The following OTOG variants were observed in gnomAD, a reference collection of about 807,000 sequenced individuals.
The protein encoded by OTOG is otogelin.
In OTOG, 296 loss-of-function variants were observed where a neutral mutation model predicts 313.8. The ratio of observed to expected loss-of-function variants is 0.94; its 90% CI spans 0.86 to 1.04. The LOEUF (loss-of-function observed/expected upper bound fraction) is 1.04, where lower values mean the gene tolerates loss of function less well. Ranked by LOEUF, OTOG falls within the 50% of genes least tolerant of loss-of-function variation. The pLI is 0.00. For missense variants in OTOG, 3,948 were observed against 3,840.1 expected, an observed-to-expected ratio of 1.03 and a Z score of -0.74; for synonymous variants, 1,533 against 1,554.9, an observed-to-expected ratio of 0.99 and a Z score of 0.33.
chr11:17,553,157 C>T lies in OTOG; in HGVS notation c.331C>T (p.Pro111Ser), dbSNP rs577782313. The T allele has an allele frequency of 7.7e-6, 12 of 1,550,556 alleles. No individual in the cohort carries two copies. In the Admixed American group the frequency reaches 2.2e-4, roughly 28 times the overall value. ...SCFNGGECVHPAFCDCRRFNA... is the reference protein window; with the variant it reads ...SCFNGGECVHSAFCDCRRFNA... The stretch of plus-strand genomic sequence containing the variant: ...CTTCAATGGAGGCGAGTGTGTGCAC[C>T]CAGCCTTCTGTGACTGCAGACGCTT... Residue 111 changes from proline (P) to serine (S), a missense_variant, in exon 5 of 56, where the codon CCA becomes TCA. Coordinates refer to ENST00000399397, the MANE Select transcript of OTOG (RefSeq NM_001292063.2).
chr11:17,624,612 C>G (rs991954401), intron 39 of OTOG, among the ~76,000 whole-genome samples: 12 of 152,082 alleles, frequency 7.9e-5, no homozygotes, highest in African/African-American at 2.9e-4. Context: ...GTTCTTTTTG[C>G]TTAGGATTGC....
At chr11:17,577,262 G>A (rs1184157222) in intron 22 of OTOG, among the ~76,000 whole-genome samples, 1 of 152,230 alleles carries the variant, frequency 6.6e-6, no homozygotes, top group Non-Finnish European at 1.5e-5. Flanking sequence ...TGTATCTACT[G>A]AGGCGGACTC....
intron 25 of OTOG, among the ~76,000 whole-genome samples, 152 bp from the exon 26 acceptor site, chr11:17,593,041 G>A (rs528293859): frequency 1.3e-5 from 2 of 152,294 alleles, no homozygotes; most frequent in South Asian, 4.2e-4. Flanking sequence ...CAGCTTCAGA[G>A]AACAGAAGTC....
In OTOG at chr11:17,606,142, G is replaced by T; in HGVS notation, c.4156+7G>T. On this transcript the variant is annotated splice_region_variant and intron_variant, in intron 33 of 55. Transcript: ENST00000399397. Reference sequence around the variant, plus strand: ...ACACTCTTCCGCCTTCTGGGTAGGCGACCCCCTGCCATTGCCCTCGGCCCT... The same window carrying T: ...ACACTCTTCCGCCTTCTGGGTAGGCTACCCCCTGCCATTGCCCTCGGCCCT... 1 of 1,522,184 alleles carries T rather than the reference G, an allele frequency of 6.6e-7. No individual in the cohort carries two copies. The highest frequency in any genetic ancestry group is 8.8e-7 in the Non-Finnish European group (1 of 1,130,696). The allele number at this position is 1,522,184 out of a possible 1,614,324, so 94.3% of individuals were successfully genotyped here.
At chr11:17,643,539 G>A in intron 54 of OTOG, 33 bp downstream of exon 54, 1 of 1,372,900 alleles carries the variant, frequency 7.3e-7, no homozygotes, top group South Asian at 1.7e-5. Context: ...CAGGGGTGGG[G>A]GGCTCTGATG....
intron 23 of OTOG, among the ~76,000 whole-genome samples, chr11:17,580,164 C>T (rs142950651): frequency 3.3e-5 from 5 of 152,212 alleles, no homozygotes; most frequent in African/African-American, 7.2e-5. Context: ...CTCCAAAGAA[C>T]GGTCTGTGGC....
intron 38 of OTOG, among the ~76,000 whole-genome samples, chr11:17,613,195 TTTTCTTTCTTTCTTTCTTTCTTTCTTTC>T (rs1191747829): frequency 4.6e-5 from 3 of 65,328 alleles, no homozygotes; most frequent in Non-Finnish European, 8.8e-5. Context: ...TCTTTCTTTC[TTTTCTTTCTTTCTTTCTTTCTTTCTTTC>T]TTTCTTTCTT....
intron 23 of OTOG, among the ~76,000 whole-genome samples, chr11:17,583,262 G>A (rs1439406929): frequency 6.6e-6 from 1 of 152,100 alleles, no homozygotes; most frequent in Non-Finnish European, 1.5e-5. Context: ...AGCCTCCTGA[G>A]TAGCTAAGAC....
intron 39 of OTOG, among the ~76,000 whole-genome samples, chr11:17,619,876 G>A (rs891828159): frequency 6.6e-6 from 1 of 152,014 alleles, no homozygotes; most frequent in Admixed American, 6.6e-5. Flanking sequence ...ATTTGCATCT[G>A]GTATCATTTT....
chr11:17,586,573 C>A lies in OTOG; in HGVS notation c.2859C>A (p.Cys953Ter). ...YFPGDQVMSP[C>*]HTCVCQRGSF... ...CTGGGGACCAGGTGATGTCTCCTTG[C>A]CATACCTGGTAAGTGAGGGTCCCAA... The change falls in exon 24 of 56, where the codon TGC becomes TGA. Residue 953 changes from cysteine (C) to a stop codon, truncating the protein, a stop_gained. Coordinates refer to ENST00000399397, the MANE Select transcript of OTOG (RefSeq NM_001292063.2). LOFTEE classifies it high-confidence loss of function. 1.4e-6 allele frequency: 2 copies of A among 1,386,760 alleles called. No individual in the cohort carries two copies. The highest frequency in any genetic ancestry group is 1.9e-6 in the Non-Finnish European group (2 of 1,063,230). 85.9% of individuals were successfully genotyped at this position (1,386,760 alleles called of 1,614,324 possible). A position where few individuals can be genotyped will look rare whatever the true frequency, so the allele number is the denominator to read the frequency against.
At chr11:17,603,203 G>T (rs552410434) in intron 32 of OTOG, among the ~76,000 whole-genome samples, 11 of 152,238 alleles carry the variant, frequency 7.2e-5, no homozygotes, top group African/African-American at 2.6e-4. Context: ...GCAGAATCAC[G>T]TAGTTGCACA....
In OTOG at chr11:17,610,071, G is replaced by T. The variant is rs1250312852; in HGVS notation, c.4771G>T (p.Val1591Leu). 3 of 1,550,426 alleles carry T rather than the reference G, an allele frequency of 1.9e-6. No homozygotes were observed. In the African/African-American group the frequency reaches 4.1e-5, roughly 21 times the overall value. Reference sequence around the variant, plus strand: ...GTCAGGTGCCATGGAGACAACAAGGGTGACTGTGATCTTTGCAGGAAGCCC... The same window carrying T: ...GTCAGGTGCCATGGAGACAACAAGGTTGACTGTGATCTTTGCAGGAAGCCC... ...MVSGAMETTR[V>L]TVIFAGSPNI... is the part of the protein sequence containing the mutation. Residue 1591 changes from valine (V) to leucine (L), a missense_variant, in exon 36 of 56, where the codon GTG (valine) becomes TTG (leucine). Physicochemically the swap from Val to Leu is conservative, Grantham distance 32 (BLOSUM62 1). Transcript: ENST00000399397.
Position 17,609,884 on chromosome 11 carries a change from C to T in OTOG, c.4584C>T (p.Thr1528=). ...TGGTGTCTCCAGGCCCCACCCAGAC[C>T]ACCCTGCAGCAGCCACTGGAGCTCA... is the stretch of plus-strand genomic sequence containing the variant. The part of the protein sequence containing the change: ...EPVVSPGPTQ[T]TLQQPLELTA... Residue 1528 remains threonine (T), a synonymous_variant, in exon 36 of 56, where the codon ACC becomes ACT. Transcript: ENST00000399397. 1.3e-6 allele frequency: 2 copies of T among 1,513,044 alleles called. No individual in the cohort carries two copies. The highest frequency in any genetic ancestry group is 8.9e-7 in the Non-Finnish European group (1 of 1,125,236). The allele number at this position is 1,513,044 out of a possible 1,614,324, so 93.7% of individuals were successfully genotyped here.
chr11:17,627,378 A>G (rs533062076), intron 39 of OTOG, among the ~76,000 whole-genome samples: 2 of 152,200 alleles, frequency 1.3e-5, no homozygotes, highest in East Asian at 1.9e-4. Flanking sequence ...TGAAATGATC[A>G]TATGGTTTTT....
At chr11:17,638,753 A>G in intron 48 of OTOG, 2 of 1,540,558 alleles carry the variant, frequency 1.3e-6, no homozygotes, top group Non-Finnish European at 1.8e-6. Flanking sequence ...CTCTAGGATA[A>G]AAGAAGGAAA....
At chr11:17,599,860 G>C (rs1337121018) in intron 31 of OTOG, among the ~76,000 whole-genome samples, 163 bp downstream of exon 31, 2 of 152,130 alleles carry the variant, frequency 1.3e-5, no homozygotes, top group Non-Finnish European at 2.9e-5. Flanking sequence ...GACAGTGAAG[G>C]GCCCAGGGGT....
intron 25 of OTOG, among the ~76,000 whole-genome samples, chr11:17,592,512 T>C (rs956580112): frequency 6.6e-6 from 1 of 152,188 alleles, no homozygotes; most frequent in African/African-American, 2.4e-5. Context: ...CAGTCAGGGA[T>C]GAATCCTGCA....
At chr11:17,612,510 A>AG in intron 37 of OTOG, 110 bp from the exon 38 acceptor site, 1 of 1,419,090 alleles carries the variant, frequency 7.0e-7, no homozygotes, top group Non-Finnish European at 9.4e-7. Context: ...TCCAGACCCC[A>AG]GGCCTCTGCA....
At chr11:17,607,160 C>T (rs1448692914) in intron 33 of OTOG, among the ~76,000 whole-genome samples, 1 of 152,224 alleles carries the variant, frequency 6.6e-6, no homozygotes. Flanking sequence ...GCGGGCTTTG[C>T]CTTGTGCTGG....
Sources: gnomAD v4.1 joint callset for allele counts (sites outside exome capture counted in the v4.1 genomes callset) on GRCh38, gnomAD v4.1.1 for gene constraint, MANE v1.5 for transcripts, NCBI Gene and HGNC (gene_info 2026-07-23, HGNC 2026-07-21) for gene names.